Variants in SAMD5 observed in about 807,000 individuals in gnomAD.
SAMD5 encodes the protein sterile alpha motif domain containing 5.
Under a neutral mutation model 11.3 loss-of-function variants are expected in SAMD5, and 13 were observed. The observed-to-expected ratio is 1.15, with a 90% CI of 0.75 to 1.83. SAMD5 has a LOEUF of 1.83. Ranked by LOEUF, SAMD5 falls within the 40% of genes most tolerant of loss-of-function variation. SAMD5 has a pLI of 0.00. For missense variants in SAMD5, 255 were observed against 239.1 expected (o/e 1.07, Z -0.44); for synonymous variants, 129 against 111.3 (o/e 1.16, Z -1.00).
chr6:147,924,677 A>G, the SAMD5 span, among the ~76,000 whole-genome samples: 1 of 151,866 alleles, frequency 6.6e-6, no homozygotes, highest in Admixed American at 6.6e-5. Flanking sequence ...ATATAAATAA[A>G]CCAAACAAAA....
At chr6:147,744,888 ACT>A in the SAMD5 span, among the ~76,000 whole-genome samples, 5 of 151,832 alleles carry the variant, frequency 3.3e-5, no homozygotes, top group Non-Finnish European at 7.4e-5. Flanking sequence ...ACAGAGTAAG[ACT>A]CTGTCTCACA....
the SAMD5 span, among the ~76,000 whole-genome samples, chr6:147,935,723 GC>G: frequency 5.3e-4 from 81 of 152,272 alleles, no homozygotes; most frequent in African/African-American, 1.9e-3. Flanking sequence ...AACTGCATGA[GC>G]TTGACAAGGT....
intron 1 of SAMD5, among the ~76,000 whole-genome samples, chr6:147,586,615 T>C (rs844558): frequency 6.6e-6 from 1 of 151,988 alleles, no homozygotes; most frequent in Non-Finnish European, 1.5e-5. Context: ...TTTTAATCAC[T>C]ATTTCTTCAA....
At chr6:147,928,413 G>A in the SAMD5 span, among the ~76,000 whole-genome samples, 1 of 152,008 alleles carries the variant, frequency 6.6e-6, no homozygotes. Context: ...ATGTCTCCAG[G>A]GATTTATCCA....
At chr6:147,753,264 T>C in the SAMD5 span, among the ~76,000 whole-genome samples, 3 of 152,172 alleles carry the variant, frequency 2.0e-5, no homozygotes, top group East Asian at 1.9e-4. Context: ...GAGGAATTTG[T>C]TGGACTTTTA....
intron 1 of SAMD5, among the ~76,000 whole-genome samples, chr6:147,631,211 G>C (rs1790145712): frequency 6.6e-6 from 1 of 152,158 alleles, no homozygotes; most frequent in Non-Finnish European, 1.5e-5. Context: ...TGATGGCCTG[G>C]ATACGGTTTT....
chr6:147,702,266 C>G (rs577039445), intron 1 of SAMD5, among the ~76,000 whole-genome samples: 1 of 152,186 alleles, frequency 6.6e-6, no homozygotes, highest in Non-Finnish European at 1.5e-5. Flanking sequence ...AGGGTACCTC[C>G]TAGGACATGT....
chr6:147,827,632 G>A, the SAMD5 span, among the ~76,000 whole-genome samples: 7 of 152,178 alleles, frequency 4.6e-5, no homozygotes, highest in African/African-American at 7.2e-5. Flanking sequence ...CTCTCAGGAA[G>A]TGTTCTTGTC....
the SAMD5 span, among the ~76,000 whole-genome samples, chr6:147,897,943 TAAAAAAAAAAAAAAAA>T: frequency 5.6e-4 from 50 of 89,604 alleles, 1 homozygote; most frequent in South Asian, 4.0e-4. Flanking sequence ...AGATTTTTCT[TAAAAAAAAAAAAAAAA>T]AAAAAAAAAA....
intron 1 of SAMD5, among the ~76,000 whole-genome samples, chr6:147,716,931 T>C (rs1020033869): frequency 5.3e-5 from 8 of 152,196 alleles, no homozygotes; most frequent in African/African-American, 1.9e-4. Context: ...GCTGAACTGA[T>C]TGACTTATGA....
At chr6:147,873,179 C>T in the SAMD5 span, among the ~76,000 whole-genome samples, 1 of 152,022 alleles carries the variant, frequency 6.6e-6, no homozygotes, top group African/African-American at 2.4e-5. Flanking sequence ...GAGATTGAGA[C>T]CATCCTGGCC....
At chr6:147,734,573 G>A (rs1248781328) in intron 1 of SAMD5, among the ~76,000 whole-genome samples, 2 of 151,590 alleles carry the variant, frequency 1.3e-5, no homozygotes, top group South Asian at 2.1e-4. Flanking sequence ...AAAATAATCC[G>A]GGCGTGTTGG....
chr6:147,721,647 G>A (rs1358807420), intron 1 of SAMD5, among the ~76,000 whole-genome samples: 2 of 152,064 alleles, frequency 1.3e-5, no homozygotes, highest in Non-Finnish European at 2.9e-5. Flanking sequence ...CATTTTGTAG[G>A]TTGCCTGTTT....
At chr6:147,729,226 C>T (rs981463960) in intron 1 of SAMD5, among the ~76,000 whole-genome samples, 3 of 152,266 alleles carry the variant, frequency 2.0e-5, no homozygotes, top group Admixed American at 6.5e-5. Context: ...CCTCACTTAG[C>T]GTTAATTACC....
chr6:147,550,215 G>A (rs1469875346), intron 1 of SAMD5, among the ~76,000 whole-genome samples: 2 of 152,056 alleles, frequency 1.3e-5, no homozygotes, highest in Non-Finnish European at 2.9e-5. Flanking sequence ...TAGAGCCGGG[G>A]CAACAGAATG....
chr6:147,947,598 C>T, the SAMD5 span: 1 of 152,238 alleles, frequency 6.6e-6, no homozygotes, highest in Non-Finnish European at 1.5e-5. Context: ...AAAAGGCAAA[C>T]CAGAAAGCAT....
the SAMD5 span, among the ~76,000 whole-genome samples, chr6:147,795,897 A>G: frequency 6.6e-6 from 1 of 151,462 alleles, no homozygotes; most frequent in Non-Finnish European, 1.5e-5. Context: ...TCCTTCGCCC[A>G]CTCTTTGATG....
At chr6:147,641,921 A>G (rs1350110740) in intron 1 of SAMD5, among the ~76,000 whole-genome samples, 1 of 152,202 alleles carries the variant, frequency 6.6e-6, no homozygotes. Context: ...AGGAAATCTT[A>G]TTCTTAGAAT....
At chr6:147,929,259 A>G in the SAMD5 span, among the ~76,000 whole-genome samples, 2 of 152,260 alleles carry the variant, frequency 1.3e-5, no homozygotes, top group East Asian at 3.9e-4. Context: ...TTAAAATTAG[A>G]AGGTGCTGTA....
Sources: allele counts gnomAD v4.1 joint callset (sites outside exome capture counted in the v4.1 genomes callset), GRCh38; gene constraint gnomAD v4.1.1; transcripts MANE v1.5; gene names NCBI Gene and HGNC (gene_info 2026-07-23, HGNC 2026-07-21).